CSGALNACT1: variants seen among roughly 807,000 people sequenced by gnomAD.
CSGALNACT1 encodes beta4GalNAcT-1.
In CSGALNACT1, 52 loss-of-function variants were observed where a neutral mutation model predicts 51.0. The observed-to-expected ratio is 1.02, with a 90% CI of 0.82 to 1.29. The LOEUF (loss-of-function observed/expected upper bound fraction) is 1.29. CSGALNACT1 is among the 50% of genes most tolerant of loss of function. The probability of loss-of-function intolerance (pLI) is 0.00; values close to 1 mark genes in which losing one functional copy is unlikely to be tolerated. For missense variants in CSGALNACT1, 935 were observed against 679.2 expected (o/e 1.38, Z -4.19); for synonymous variants, 341 against 254.4 (o/e 1.34, Z -3.24).
chr8:19,589,931 A>AGT (rs2047438507), intron 3 of CSGALNACT1, among the ~76,000 whole-genome samples: 1 of 152,242 alleles, frequency 6.6e-6, no homozygotes, highest in African/African-American at 2.4e-5. Context: ...TCACATACAT[A>AGT]GTGTAGTTAA....
chr8:19,547,131 C>T (rs2086661763), intron 3 of CSGALNACT1, among the ~76,000 whole-genome samples: 1 of 151,998 alleles, frequency 6.6e-6, no homozygotes, highest in Admixed American at 6.6e-5. Context: ...AAAAAAAGGC[C>T]AGGACACGAA....
At chr8:19,755,083 G>A (rs1328187356) in intron 1 of CSGALNACT1, among the ~76,000 whole-genome samples, 1 of 152,190 alleles carries the variant, frequency 6.6e-6, no homozygotes, top group African/African-American at 2.4e-5. Context: ...CTTATGCCCT[G>A]CCAGGCACTG....
intron 3 of CSGALNACT1, among the ~76,000 whole-genome samples, chr8:19,576,291 G>A (rs1374234207): frequency 1.3e-5 from 2 of 148,898 alleles, no homozygotes; most frequent in African/African-American, 5.0e-5. Flanking sequence ...CACCTCCCAG[G>A]TTCATGAGAT....
At chr8:19,470,547 G>A (rs1465602621) in intron 4 of CSGALNACT1, among the ~76,000 whole-genome samples, 2 of 152,194 alleles carry the variant, frequency 1.3e-5, no homozygotes, top group Non-Finnish European at 2.9e-5. Context: ...AGACAGGTGT[G>A]AGGGCAAGGA....
At chr8:19,546,793 G>A (rs1311680548) in intron 3 of CSGALNACT1, among the ~76,000 whole-genome samples, 3 of 152,154 alleles carry the variant, frequency 2.0e-5, no homozygotes, top group African/African-American at 7.2e-5. Context: ...AGGTGACTAG[G>A]AAGGCTCCTC....
At chr8:19,519,587 T>C (rs772109054) in intron 3 of CSGALNACT1, among the ~76,000 whole-genome samples, 3 of 152,212 alleles carry the variant, frequency 2.0e-5, no homozygotes, top group East Asian at 1.9e-4. Context: ...CTGGTGCCGA[T>C]AGCTGTCTCG....
intron 5 of CSGALNACT1, among the ~76,000 whole-genome samples, chr8:19,441,229 A>T (rs528383572): frequency 4.4e-4 from 67 of 152,336 alleles, no homozygotes; most frequent in South Asian, 1.2e-3. Flanking sequence ...TCTAAAGTTC[A>T]TATGGAACCA....
At chr8:19,708,431 T>G (rs10109456) in intron 1 of CSGALNACT1, among the ~76,000 whole-genome samples, 5,996 of 152,194 alleles carry the variant, frequency 0.039, 194 homozygotes, top group African/African-American at 0.088. Context: ...GTCACATGGG[T>G]TCCATTATGA....
chr8:19,588,980 A>G (rs1178728417), intron 3 of CSGALNACT1, among the ~76,000 whole-genome samples: 2 of 152,154 alleles, frequency 1.3e-5, no homozygotes. Flanking sequence ...GGTTGACACA[A>G]TCACTGAGTG....
chr8:19,513,001 G>A (rs11993168), intron 3 of CSGALNACT1, among the ~76,000 whole-genome samples: 1,814 of 152,222 alleles, frequency 0.012, 34 homozygotes, highest in African/African-American at 0.038. Flanking sequence ...TGCAGCCAAC[G>A]GCAGCACAAC....
At chr8:19,688,186 C>T (rs987866125) in intron 1 of CSGALNACT1, among the ~76,000 whole-genome samples, 1 of 152,006 alleles carries the variant, frequency 6.6e-6, no homozygotes, top group Non-Finnish European at 1.5e-5. Flanking sequence ...TTCTTGAAGC[C>T]CTGTGTCTTC....
intron 4 of CSGALNACT1, among the ~76,000 whole-genome samples, chr8:19,463,228 G>T (rs1292715137): frequency 7.9e-5 from 12 of 152,112 alleles, no homozygotes; most frequent in African/African-American, 2.9e-4. Context: ...CACTGCTGAT[G>T]GGCATCTAGG....
intron 5 of CSGALNACT1, chr8:19,457,470 G>A (rs990922543): frequency 5.9e-5 from 22 of 374,298 alleles, no homozygotes; most frequent in Admixed American, 4.7e-4. Flanking sequence ...AAAATTAGCC[G>A]GGCATGGTAA....
At chr8:19,513,110 T>C (rs1426083670) in intron 3 of CSGALNACT1, among the ~76,000 whole-genome samples, 1 of 152,102 alleles carries the variant, frequency 6.6e-6, no homozygotes, top group Non-Finnish European at 1.5e-5. Context: ...ACATGCTTCC[T>C]GTTCCAAAAG....
At chr8:19,634,606 G>C (rs1296152294) in intron 1 of CSGALNACT1, among the ~76,000 whole-genome samples, 1 of 152,172 alleles carries the variant, frequency 6.6e-6, no homozygotes, top group African/African-American at 2.4e-5. Flanking sequence ...AGGCTGCAGT[G>C]AGCCATGATT....
At chr8:19,510,648 A>G (rs2078294923) in intron 3 of CSGALNACT1, among the ~76,000 whole-genome samples, 1 of 152,194 alleles carries the variant, frequency 6.6e-6, no homozygotes, top group Admixed American at 6.5e-5. Flanking sequence ...AATAGATATA[A>G]AGTGTTAATG....
intron 1 of CSGALNACT1, among the ~76,000 whole-genome samples, chr8:19,616,621 T>C (rs2053055235): frequency 6.6e-6 from 1 of 152,140 alleles, no homozygotes; most frequent in African/African-American, 2.4e-5. Context: ...TTAGGACCAA[T>C]CCCATGGTAC....
At chr8:19,660,458 T>C (rs921428494) in intron 1 of CSGALNACT1, among the ~76,000 whole-genome samples, 2 of 152,198 alleles carry the variant, frequency 1.3e-5, no homozygotes, top group Admixed American at 1.3e-4. Context: ...AACCTCTCTG[T>C]AACACTATGG....
chr8:19,552,518 C>G (rs1005451234), intron 3 of CSGALNACT1, among the ~76,000 whole-genome samples: 1 of 152,070 alleles, frequency 6.6e-6, no homozygotes, highest in Admixed American at 6.6e-5. Context: ...TAGAAACATC[C>G]TTCTATGGAT....
Sources: allele counts gnomAD v4.1 joint callset (sites outside exome capture counted in the v4.1 genomes callset), GRCh38; gene constraint gnomAD v4.1.1; transcripts MANE v1.5; gene names NCBI Gene and HGNC (gene_info 2026-07-23, HGNC 2026-07-21).